Variants in GTPBP4 observed in about 807,000 individuals in gnomAD.
GTPBP4 encodes the protein GTP-binding protein 4.
A neutral mutation model predicts 81.7 loss-of-function variants in GTPBP4; 15 were observed. The ratio of observed to expected loss-of-function variants is 0.18; its 90% CI spans 0.12 to 0.28. The LOEUF (loss-of-function observed/expected upper bound fraction) is 0.28, where lower values mean the gene tolerates loss of function less well. GTPBP4 is among the 10% of genes least tolerant of loss of function. The pLI is 1.00. For missense variants in GTPBP4, 847 were observed against 793.8 expected, an observed-to-expected ratio of 1.07 and a Z score of -0.81; for synonymous variants, 272 against 274.6, an observed-to-expected ratio of 0.99 and a Z score of 0.09.
Position 1,012,479 on chromosome 10 carries a change from A to G in GTPBP4, c.1359A>G (p.Leu453=), listed in dbSNP as rs1385947492. The G allele has an allele frequency of 6.3e-6, 10 of 1,595,812 alleles. No homozygotes were observed. Among genetic ancestry groups the G allele is most frequent in the African/African-American group, 1.4e-5 (1 of 73,718 alleles). The change falls in exon 14 of 17, where the codon TTA becomes TTG. Residue 453 remains leucine (L), a synonymous_variant. Transcript: ENST00000360803. ...CATTTTTAAAGAAATTGGAAGAATT[A>G]GAAAAAGAAGAAGAGCTGAGAACAG... ...DPAIMKKLEE[L]EKEEELRTAA...
rs1831750617 is a variant in GTPBP4, at chr10:1,007,003, T to G, written c.1003-15T>G. ...GGATGCGTTTGTGACTGTGCCTTCT[T>G]TTTTACGTTATTAGGCTTGCGATAG... On this transcript the variant is annotated splice_polypyrimidine_tract_variant and intron_variant, in intron 9 of 16. Transcript: ENST00000360803. The G allele has an allele frequency of 1.3e-6, 2 of 1,558,076 alleles. No homozygotes were observed. Among genetic ancestry groups the G allele is most frequent in the Admixed American group, 3.3e-5 (2 of 59,896 alleles).
chr10:995,944 T>A lies in GTPBP4; in HGVS notation c.235T>A (p.Tyr79Asn). ...TTTGTTACAGGATATTCATCCGTTC[T>A]ATGCTGATTTGATGAATATTCTCTA... ...FPKLDDIHPFYADLMNILYDK... is the reference protein window; with the variant it reads ...FPKLDDIHPFNADLMNILYDK... Residue 79 changes from tyrosine (Y) to asparagine (N), a missense_variant, in exon 3 of 17, where the codon TAT becomes AAT. Physicochemically the swap from Tyr to Asn is moderately radical, Grantham distance 143. Transcript: ENST00000360803. The A allele has an allele frequency of 6.2e-7, 1 of 1,603,990 alleles. No homozygotes were observed. The highest frequency in any genetic ancestry group is 8.5e-7 in the Non-Finnish European group (1 of 1,170,808).
intron 1 of GTPBP4, among the ~76,000 whole-genome samples, chr10:991,987 G>C (rs530159900): frequency 4.0e-5 from 6 of 150,744 alleles, no homozygotes; most frequent in African/African-American, 1.2e-4. Context: ...GAGCCACCGC[G>C]CCCGGCCGGT....
At chr10:1,012,403 A>T (rs1473411200) in intron 13 of GTPBP4, 62 bp from the exon 14 acceptor site, 9 of 1,145,436 alleles carry the variant, frequency 7.9e-6, no homozygotes, top group Non-Finnish European at 1.1e-5. Flanking sequence ...ACTCTGCCAC[A>T]CTCACTGACT....
At chr10:993,999 T>A (rs981028750) in intron 2 of GTPBP4, among the ~76,000 whole-genome samples, 3 of 152,046 alleles carry the variant, frequency 2.0e-5, no homozygotes, top group Non-Finnish European at 4.4e-5. Context: ...CCTCAGGTGA[T>A]CCGCCTGCCT....
intron 1 of GTPBP4, among the ~76,000 whole-genome samples, chr10:992,026 A>G (rs1589021965): frequency 6.6e-6 from 1 of 151,790 alleles, no homozygotes; most frequent in East Asian, 2.0e-4. Flanking sequence ...ATGTGTTTCA[A>G]GATGAACAAG....
chr10:1,008,004 C>T (rs758605324), intron 10 of GTPBP4: 1 of 513,144 alleles, frequency 1.9e-6, no homozygotes, highest in Non-Finnish European at 3.9e-6. Context: ...GCCTTTTTAA[C>T]TTCAAATGTG....
At chr10:990,552 C>G (rs1157001658) in intron 1 of GTPBP4, among the ~76,000 whole-genome samples, 2 of 151,674 alleles carry the variant, frequency 1.3e-5, no homozygotes, top group Non-Finnish European at 2.9e-5. Context: ...GAAACCCCGT[C>G]TCTACTAAAA....
chr10:998,686 G>A (rs1220619794), intron 5 of GTPBP4, among the ~76,000 whole-genome samples: 5 of 152,198 alleles, frequency 3.3e-5, no homozygotes, highest in Admixed American at 6.5e-5. Flanking sequence ...CTGGTGGCCC[G>A]GTTTGGACAG....
At position 1,010,403 on chromosome 10, in the gene GTPBP4, CT is replaced by C. The variant is rs752275153; in HGVS notation, c.1244-9del. On this transcript the variant is annotated splice_polypyrimidine_tract_variant and intron_variant, in intron 12 of 16. Coordinates refer to ENST00000360803, the MANE Select transcript of GTPBP4 (RefSeq NM_012341.3). ...TAAAAACTGCTGTAAACGTAACCACCTTTTTTTTAACTTTAGAGTACTGGGA... is the reference window on the plus strand; with the variant it reads ...TAAAAACTGCTGTAAACGTAACCACCTTTTTTTAACTTTAGAGTACTGGGA... The C allele has an allele frequency of 1.3e-4, 173 of 1,336,806 alleles. No homozygotes were observed. The highest frequency in any genetic ancestry group is 1.9e-4 in the Middle Eastern group (1 of 5,366). 82.8% of individuals were successfully genotyped at this position (1,336,806 alleles called of 1,614,324 possible).
intron 2 of GTPBP4, among the ~76,000 whole-genome samples, chr10:994,984 G>A (rs1009578140): frequency 6.6e-6 from 1 of 152,184 alleles, no homozygotes; most frequent in Admixed American, 6.5e-5. Flanking sequence ...CGGGGAGAGG[G>A]TGTCAGGCCT....
Position 1,019,900 on chromosome 10 carries a change from G to C in GTPBP4, c.*2673G>C. ...AAAACACAGAATTTACAGAAAAATA[G>C]AGAAAATAAACACATTTGTTTTCCT... On this transcript the variant is annotated 3_prime_UTR_variant, in exon 17 of 17. Coordinates refer to ENST00000360803, the MANE Select transcript of GTPBP4 (RefSeq NM_012341.3). The C allele has an allele frequency of 8.5e-7, 1 of 1,170,674 alleles. No homozygotes were observed. The highest frequency in any genetic ancestry group is 1.3e-6 in the Non-Finnish European group (1 of 799,276). The allele number at this position is 1,170,674 out of a possible 1,614,324, so 72.5% of individuals were successfully genotyped here.
chr10:1,014,269 A>G lies in GTPBP4; in HGVS notation c.1565A>G (p.Lys522Arg). The change falls in exon 15 of 17, where the codon AAG becomes AGG. Residue 522 changes from lysine (K) to arginine (R), a missense_variant. Physicochemically the swap from Lys to Arg is conservative, Grantham distance 26. Transcript: ENST00000360803. ...CAGGTTCAGAGGACAGTTTTGGAGA[A>G]GGAGATGCGTAGTCTTGGTGTTGAC... ...AKKVQRTVLE[K>R]EMRSLGVDMD... 1 of 1,604,272 alleles carries G rather than the reference A, an allele frequency of 6.2e-7. No homozygotes were observed. The highest frequency in any genetic ancestry group is 8.5e-7 in the Non-Finnish European group (1 of 1,171,250).
At chr10:1,010,240 T>C (rs1454318767) in intron 12 of GTPBP4, among the ~76,000 whole-genome samples, 180 bp from the exon 13 acceptor site, 1 of 151,578 alleles carries the variant, frequency 6.6e-6, no homozygotes, top group Non-Finnish European at 1.5e-5. Context: ...TGTAGCTTTC[T>C]CCACGTGTGG....
intron 5 of GTPBP4, among the ~76,000 whole-genome samples, chr10:998,288 T>G (rs577784002): frequency 4.1e-4 from 62 of 152,078 alleles, no homozygotes; most frequent in Non-Finnish European, 8.4e-4. Flanking sequence ...TTTGTGGAGA[T>G]GGAGTCTCAC....
intron 4 of GTPBP4, 179 bp downstream of exon 4, chr10:996,421 A>G: frequency 2.1e-6 from 1 of 470,056 alleles, no homozygotes; most frequent in Admixed American, 3.8e-5. Context: ...AAATACTTAC[A>G]AATCAATAGC....
chr10:1,005,616 A>G (rs926049048), intron 8 of GTPBP4, among the ~76,000 whole-genome samples: 1 of 152,306 alleles, frequency 6.6e-6, no homozygotes, highest in Non-Finnish European at 1.5e-5. Context: ...CTAGTCGGCC[A>G]TCTTTTTGAT....
At chr10:998,926 C>T (rs1831578548) in intron 5 of GTPBP4, 77 bp from the exon 6 acceptor site, 2 of 814,960 alleles carry the variant, frequency 2.5e-6, no homozygotes, top group Non-Finnish European at 2.2e-6. Flanking sequence ...TACCCAAAAT[C>T]AGTCTTGTTA....
At chr10:996,070 G>T in intron 3 of GTPBP4, 36 bp from the exon 4 acceptor site, 1 of 1,509,924 alleles carries the variant, frequency 6.6e-7, no homozygotes, top group South Asian at 1.2e-5. Context: ...TTAAGTTATC[G>T]AAAGTGGAAA....
Sources: allele counts gnomAD v4.1 joint callset (sites outside exome capture counted in the v4.1 genomes callset), GRCh38; gene constraint gnomAD v4.1.1; transcripts MANE v1.5; gene names NCBI Gene and HGNC (gene_info 2026-07-23, HGNC 2026-07-21).